PPP2R3C: variants seen among roughly 807,000 people sequenced by gnomAD.
The protein encoded by PPP2R3C is serine/threonine-protein phosphatase 2A regulatory subunit B'' subunit gamma.
In PPP2R3C, 47 loss-of-function variants were observed where a neutral mutation model predicts 63.7. The ratio of observed to expected loss-of-function variants is 0.74; its 90% CI spans 0.58 to 0.94. The LOEUF is 0.94. Ranked by LOEUF, PPP2R3C falls within the 40% of genes least tolerant of loss-of-function variation. The probability of loss-of-function intolerance (pLI) is 0.00; values close to 1 mark genes in which losing one functional copy is unlikely to be tolerated. For missense variants in PPP2R3C, 421 were observed against 518.4 expected, an observed-to-expected ratio of 0.81 and a Z score of 1.82; for synonymous variants, 180 against 177.4, an observed-to-expected ratio of 1.01 and a Z score of -0.12.
chr14:35,105,544 ATACAT>A lies in PPP2R3C; in HGVS notation c.573+1755_573+1759del, dbSNP rs1300294808. ...CTAAAAAGGAATTTGTATAGTCAAT[ATACAT>A]TAAACATTTGTTTAGTAACACATGT... On this transcript the variant is annotated intron_variant, in intron 6 of 12. Transcript: ENST00000261475. Among the ~76,000 whole-genome samples, 6 of 152,184 alleles carry A rather than the reference ATACAT, an allele frequency of 3.9e-5. No homozygotes were observed. The East Asian group carries it at 1.2e-3, about 29-fold the overall frequency.
At chr14:35,113,743 C>G (rs1473741754) in intron 2 of PPP2R3C, among the ~76,000 whole-genome samples, 2 of 152,178 alleles carry the variant, frequency 1.3e-5, no homozygotes, top group Admixed American at 6.6e-5. Flanking sequence ...TGCTGAACAA[C>G]TGATTTACAG....
rs569068664 is a variant in PPP2R3C at position 35,104,280 on chromosome 14, G to A, written c.573+3024C>T. Reference sequence around the variant, plus strand: ...GGTCTGAACCTTAAAGAGAACTGTAGTGTGCCCCTGGAAAGGTTTTACAGT... The same window carrying A: ...GGTCTGAACCTTAAAGAGAACTGTAATGTGCCCCTGGAAAGGTTTTACAGT... On this transcript the variant is annotated intron_variant, in intron 6 of 12. Transcript: ENST00000261475. Among the ~76,000 whole-genome samples the A allele has an allele frequency of 2.0e-5, 3 of 152,214 alleles. No homozygotes were observed. In the South Asian group the frequency reaches 6.2e-4, roughly 32 times the overall value.
chr14:35,103,553 C>T lies in PPP2R3C; in HGVS notation c.573+3751G>A, dbSNP rs552892453. On this transcript the variant is annotated intron_variant, in intron 6 of 12. Transcript: ENST00000261475. Reference sequence around the variant, plus strand: ...GCTTATAATTTAGTGTCTGTCTTCCCACTCTGCTAGAAAAAATAGGTCTAC... The same window carrying T: ...GCTTATAATTTAGTGTCTGTCTTCCTACTCTGCTAGAAAAAATAGGTCTAC... Among the ~76,000 whole-genome samples, 74 of 152,172 alleles carry T rather than the reference C, an allele frequency of 4.9e-4. 1 individual carries two copies. The highest frequency in any genetic ancestry group is 1.5e-3 in the African/African-American group (62 of 41,512).
chr14:35,085,692 T>C lies in PPP2R3C; in HGVS notation c.1260A>G (p.Val420=), dbSNP rs767009244. The change falls in exon 13 of 13, where the codon GTA becomes GTG. Residue 420 remains valine, a synonymous_variant. Coordinates refer to ENST00000261475, the MANE Select transcript of PPP2R3C (RefSeq NM_017917.4). ...DLINSNQGDT[V]TTILIDLNGF... ...CATTCAAATCGATTAGAATGGTGGTTACTGTGTCTCCTTGATTACTGTTGA... is the reference window on the plus strand; with the variant it reads ...CATTCAAATCGATTAGAATGGTGGTCACTGTGTCTCCTTGATTACTGTTGA... 2.8e-5 allele frequency: 45 copies of C among 1,612,650 alleles called. No homozygotes were observed. The highest frequency in any genetic ancestry group is 3.6e-5 in the Non-Finnish European group (43 of 1,178,802).
At position 35,085,510 on chromosome 14, in the gene PPP2R3C, T is replaced by C; in HGVS notation, c.*80A>G. 1 of 1,291,496 alleles carries C rather than the reference T, an allele frequency of 7.7e-7. No individual in the cohort carries two copies. The highest frequency in any genetic ancestry group is 1.5e-5 in the African/African-American group (1 of 66,550). The allele number at this position is 1,291,496 out of a possible 1,614,324, so 80.0% of individuals were successfully genotyped here. ...CATATCAAGTGTTTTATTTAGACCATTTCTGAGGATTTTGCTTTAAAGGCT... is the reference window on the plus strand; with the variant it reads ...CATATCAAGTGTTTTATTTAGACCACTTCTGAGGATTTTGCTTTAAAGGCT... On this transcript the variant is annotated 3_prime_UTR_variant, in exon 13 of 13. Coordinates refer to ENST00000261475, the MANE Select transcript of PPP2R3C (RefSeq NM_017917.4).
intron 2 of PPP2R3C, among the ~76,000 whole-genome samples, 163 bp downstream of exon 2, chr14:35,116,447 A>C (rs895048660): frequency 6.6e-6 from 1 of 151,968 alleles, no homozygotes; most frequent in Non-Finnish European, 1.5e-5. Flanking sequence ...TAGAGATGGG[A>C]TCTTGCTATG....
chr14:35,118,789 G>A (rs113775092), intron 1 of PPP2R3C, among the ~76,000 whole-genome samples: 11,251 of 151,826 alleles, frequency 0.074, 515 homozygotes, highest in Middle Eastern at 0.11. Context: ...GAGTAGCTGG[G>A]ATTACAGACA....
chr14:35,095,561 C>G (rs1367943345), intron 9 of PPP2R3C, among the ~76,000 whole-genome samples: 1 of 151,776 alleles, frequency 6.6e-6, no homozygotes, highest in Non-Finnish European at 1.5e-5. Context: ...AAAAGGAGGT[C>G]GGGCGTGGTG....
intron 2 of PPP2R3C, chr14:35,112,894 C>G (rs2046608381): frequency 6.6e-6 from 1 of 152,210 alleles, no homozygotes; most frequent in Admixed American, 6.5e-5. Context: ...AAGTGTCAAC[C>G]AGAAAACATT....
chr14:35,103,749 A>G (rs970828468), intron 6 of PPP2R3C, among the ~76,000 whole-genome samples: 1 of 152,220 alleles, frequency 6.6e-6, no homozygotes, highest in African/African-American at 2.4e-5. Flanking sequence ...ACAAGCTTAG[A>G]ATAATACCTG....
intron 6 of PPP2R3C, among the ~76,000 whole-genome samples, chr14:35,106,868 T>C (rs918867343): frequency 7.9e-5 from 12 of 151,720 alleles, no homozygotes; most frequent in African/African-American, 2.9e-4. Flanking sequence ...GGTTTCTCCA[T>C]GTTGGTCAGG....
At chr14:35,097,184 C>T (rs1188919716) in intron 7 of PPP2R3C, among the ~76,000 whole-genome samples, 2 of 151,816 alleles carry the variant, frequency 1.3e-5, no homozygotes, top group Non-Finnish European at 2.9e-5. Flanking sequence ...CATTGTACTA[C>T]AGCCTAGGGA....
At chr14:35,109,673 C>G (rs1047834821) in intron 4 of PPP2R3C, 146 bp downstream of exon 4, 5 of 579,284 alleles carry the variant, frequency 8.6e-6, no homozygotes, top group African/African-American at 1.9e-5. Flanking sequence ...CCAGGCTGGC[C>G]TCAAACACCC....
At position 35,119,039 on chromosome 14, in the gene PPP2R3C, CT is replaced by C. The variant is rs34769087; in HGVS notation, c.59-2303del. Among the ~76,000 whole-genome samples the C allele has an allele frequency of 6.1e-3, 823 of 134,982 alleles. 5 individuals carry two copies. The highest frequency in any genetic ancestry group is 0.017 in the African/African-American group (610 of 36,514). 88.6% of individuals were successfully genotyped at this position (134,982 alleles called of 152,430 possible). ...TGGAGAGGGATGTGGGATCAAATGA[CT>C]TTTTTTTTTTTTTTTGAGATGTAGT... On this transcript the variant is annotated intron_variant, in intron 1 of 12. Transcript: ENST00000261475.
At chr14:35,096,144 C>G (rs1044334332) in intron 9 of PPP2R3C, among the ~76,000 whole-genome samples, 1 of 150,734 alleles carries the variant, frequency 6.6e-6, no homozygotes, top group Non-Finnish European at 1.5e-5. Context: ...AGTTTGAAAC[C>G]AGCCTGGGCA....
Position 35,121,916 on chromosome 14 carries a change from T to A in PPP2R3C, c.44A>T (p.Asn15Ile). The A allele has an allele frequency of 1.2e-6, 2 of 1,614,130 alleles. No individual in the cohort carries two copies. Among genetic ancestry groups the A allele is most frequent in the South Asian group, 2.2e-5 (2 of 91,084 alleles). The change falls in exon 1 of 13, where the codon AAC becomes ATC. Residue 15 changes from asparagine (N) to isoleucine (I), a missense_variant. Physicochemically the swap from Asn to Ile is moderately radical, Grantham distance 149 (BLOSUM62 -3). Transcript: ENST00000261475. ...CCAAAACTCACTGTTTGGACAGGTGTTGGGCGTCGCTAGGCGCCGACGAAG... is the reference window on the plus strand; with the variant it reads ...CCAAAACTCACTGTTTGGACAGGTGATGGGCGTCGCTAGGCGCCGACGAAG... ...EVLRRRLATP[N>I]TCPNKKKSEQ... is the part of the protein sequence containing the mutation.
intron 10 of PPP2R3C, among the ~76,000 whole-genome samples, chr14:35,093,624 C>T (rs1424029694): frequency 6.6e-6 from 1 of 151,886 alleles, no homozygotes; most frequent in Non-Finnish European, 1.5e-5. Flanking sequence ...ATTTTTTAAG[C>T]ATAACTGGTT....
chr14:35,116,783 T>C, intron 1 of PPP2R3C, 46 bp from the exon 2 acceptor site: 1 of 1,451,988 alleles, frequency 6.9e-7, no homozygotes, highest in South Asian at 1.3e-5. Flanking sequence ...AATCAAGCAG[T>C]ACTTTTACTC....
chr14:35,097,482 C>CTTTTTT (rs988302767), intron 7 of PPP2R3C, among the ~76,000 whole-genome samples: 1 of 133,764 alleles, frequency 7.5e-6, no homozygotes, highest in Non-Finnish European at 1.6e-5. Context: ...TGTTCTTGTT[C>CTTTTTT]TTTTTTTTTT....
Sources: gnomAD v4.1 joint callset for allele counts (sites outside exome capture counted in the v4.1 genomes callset) on GRCh38, gnomAD v4.1.1 for gene constraint, MANE v1.5 for transcripts, NCBI Gene and HGNC (gene_info 2026-07-23, HGNC 2026-07-21) for gene names.